Variants in FANK1 observed in about 807,000 individuals in gnomAD.
The protein encoded by FANK1 is fibronectin type III and ankyrin repeat domains 1, also known as fibronectin type 3 and ankyrin repeat domains protein 1.
Under a neutral mutation model 45.3 loss-of-function variants are expected in FANK1, and 44 were observed. That is an observed-to-expected ratio of 0.97 (90% CI 0.76 to 1.25). The LOEUF is 1.25. FANK1 is among the 50% of genes most tolerant of loss of function. The pLI is 0.00. For synonymous variants in FANK1, 149 were observed against 152.5 expected (o/e 0.98, Z 0.17); for missense variants, 391 against 424.4 (o/e 0.92, Z 0.69).
chr10:125,970,857 A>G (rs536492002), intron 1 of FANK1, among the ~76,000 whole-genome samples: 4 of 152,140 alleles, frequency 2.6e-5, no homozygotes, highest in African/African-American at 9.6e-5. Context: ...GAGACGGGAG[A>G]GGGAGAGGGA....
rs75655374 is a variant in FANK1, at chr10:125,982,230, C to T, written c.191+1892C>T. ...GTGAATGGGGCCATCCTGCATCGTT[C>T]TTTCTTCCTTGGCTGTGCCTTTGCT... On this transcript the variant is annotated intron_variant, in intron 2 of 10. Transcript: ENST00000368693. Among the ~76,000 whole-genome samples, 18 of 152,374 alleles carry T rather than the reference C, an allele frequency of 1.2e-4. No individual in the cohort carries two copies. In the East Asian group the frequency reaches 3.5e-3, roughly 29 times the overall value.
chr10:125,914,204 T>A (rs1185472634), intron 1 of FANK1, among the ~76,000 whole-genome samples: 1 of 151,946 alleles, frequency 6.6e-6, no homozygotes, highest in Admixed American at 6.6e-5. Flanking sequence ...ATGGTCTTCA[T>A]TCCTCAATGT....
At chr10:125,928,697 G>A (rs1005526751) in intron 1 of FANK1, among the ~76,000 whole-genome samples, 3 of 152,152 alleles carry the variant, frequency 2.0e-5, no homozygotes, top group African/African-American at 7.2e-5. Context: ...GTGAATTTCT[G>A]TAATGCCTAA....
intron 1 of FANK1, among the ~76,000 whole-genome samples, chr10:125,908,315 C>T (rs1476009438): frequency 6.6e-6 from 1 of 152,094 alleles, no homozygotes; most frequent in Non-Finnish European, 1.5e-5. Context: ...ATGTTTATAG[C>T]AGCACAATCT....
In FANK1 at chr10:125,995,687, A is replaced by G. The variant is rs1952276853; in HGVS notation, c.398+189A>G. 1.6e-5 allele frequency: 9 copies of G among 549,948 alleles called. No individual in the cohort carries two copies. In the South Asian group the frequency reaches 2.2e-4, roughly 13 times the overall value. The allele number at this position is 549,948 out of a possible 1,614,324, so 34.1% of individuals were successfully genotyped here. A position where few individuals can be genotyped will look rare whatever the true frequency, so the allele number is the denominator to read the frequency against. On this transcript the variant is annotated intron_variant, in intron 4 of 10. Coordinates refer to ENST00000368693, the MANE Select transcript of FANK1 (RefSeq NM_145235.5). ...AAGATGCTCATGAAGCCCCATGTAA[A>G]TGTTATATTTTGTGATTGTGTAATA...
At chr10:125,938,360 C>G (rs145985057) in intron 1 of FANK1, among the ~76,000 whole-genome samples, 58 of 152,256 alleles carry the variant, frequency 3.8e-4, no homozygotes, top group African/African-American at 1.4e-3. Flanking sequence ...GGAATGAGCA[C>G]ACAGTGTGAG....
intron 1 of FANK1, among the ~76,000 whole-genome samples, chr10:125,967,833 T>C (rs1439514885): frequency 6.6e-6 from 1 of 152,232 alleles, no homozygotes; most frequent in Non-Finnish European, 1.5e-5. Flanking sequence ...CTTTTATATT[T>C]ATTTTTTGAT....
rs1173273201 is a variant in FANK1, at chr10:125,983,373, C to T, written c.191+3035C>T. 6.6e-6 allele frequency among the ~76,000 whole-genome samples: 1 copy of T among 152,110 alleles called. No individual in the cohort carries two copies. Among genetic ancestry groups the T allele is most frequent in the Non-Finnish European group, 1.5e-5 (1 of 68,036 alleles). On this transcript the variant is annotated intron_variant, in intron 2 of 10. Transcript: ENST00000368693. The surrounding 1 kb of genome is among the most constrained non-coding windows in gnomAD (Gnocchi z 4.3). The stretch of plus-strand genomic sequence containing the variant: ...TGTCTGCCGTGTGTCAGACACTGCT[C>T]CGGATGCTGGGGATACGGCACTGGG...
At chr10:125,987,528 G>GACACAC (rs34923987) in intron 2 of FANK1, among the ~76,000 whole-genome samples, 1 of 150,184 alleles carries the variant, frequency 6.7e-6, no homozygotes, top group African/African-American at 2.4e-5. Context: ...AGCTGGAAAT[G>GACACAC]ACACACACAC....
rs750156778 is a variant in FANK1, at chr10:125,995,425, A to G, written c.325A>G (p.Ile109Val). The G allele has an allele frequency of 9.3e-6, 15 of 1,614,074 alleles. No homozygotes were observed. The highest frequency in any genetic ancestry group is 2.2e-5 in the South Asian group (2 of 91,086). Residue 109 changes from isoleucine (I) to valine (V), a missense_variant, in exon 4 of 11, where the codon ATA (isoleucine) becomes GTA (valine). By Grantham distance (29) the Ile-to-Val change is conservative. Coordinates refer to ENST00000368693, the MANE Select transcript of FANK1 (RefSeq NM_145235.5). The part of the protein sequence containing the change: ...LVSVSTTREP[I>V]SSEHLHRAVS... ...CCATCTCATTTCTCCAGGAGAGCCCATAAGTAGTGAGCACTTGCACCGGGC... is the reference window on the plus strand; with the variant it reads ...CCATCTCATTTCTCCAGGAGAGCCCGTAAGTAGTGAGCACTTGCACCGGGC...
intron 1 of FANK1, among the ~76,000 whole-genome samples, chr10:125,950,459 C>T (rs1302717717): frequency 1.3e-5 from 2 of 151,636 alleles, no homozygotes; most frequent in African/African-American, 2.4e-5. Flanking sequence ...GGGCGAAGGA[C>T]ATGAACAGAC....
intron 1 of FANK1, among the ~76,000 whole-genome samples, chr10:125,932,038 A>C (rs944695962): frequency 2.0e-5 from 3 of 152,118 alleles, no homozygotes; most frequent in African/African-American, 4.8e-5. Context: ...TGGGTTCTCT[A>C]TTCTGTTTCA....
chr10:125,963,264 G>T (rs559261371), intron 1 of FANK1, among the ~76,000 whole-genome samples: 3 of 152,354 alleles, frequency 2.0e-5, no homozygotes, highest in African/African-American at 7.2e-5. Flanking sequence ...GATTACAGGT[G>T]TGGAGAAATA....
intron 7 of FANK1, among the ~76,000 whole-genome samples, chr10:126,007,707 G>T (rs962529560): frequency 6.6e-6 from 1 of 152,196 alleles, no homozygotes; most frequent in African/African-American, 2.4e-5. Flanking sequence ...GTGTGTGTGC[G>T]TGTCTGAGCA....
rs1207576896 is a variant in FANK1, at chr10:125,994,836, T to G, written c.317-581T>G. On this transcript the variant is annotated intron_variant, in intron 3 of 10. Coordinates refer to ENST00000368693, the MANE Select transcript of FANK1 (RefSeq NM_145235.5). ...CCATTGTTCTTTTAGGCTTCTGGACTCCTCCTGGGTCTTCGCTGGTTGGCA... is the reference window on the plus strand; with the variant it reads ...CCATTGTTCTTTTAGGCTTCTGGACGCCTCCTGGGTCTTCGCTGGTTGGCA... 8.1e-6 allele frequency: 8 copies of G among 985,232 alleles called. No individual in the cohort carries two copies. The African/African-American group carries it at 1.2e-4, about 15-fold the overall frequency. 61.0% of individuals were successfully genotyped at this position (985,232 alleles called of 1,614,324 possible). A position where few individuals can be genotyped will look rare whatever the true frequency, so the allele number is the denominator to read the frequency against.
chr10:125,912,858 C>G lies in FANK1; in HGVS notation c.13+16203C>G, dbSNP rs575436721. ...CCATGTTGGCCAGGCAAGTCTCAAACTCCTGACCTCAAGTGATCCGCCCGT... is the reference window on the plus strand; with the variant it reads ...CCATGTTGGCCAGGCAAGTCTCAAAGTCCTGACCTCAAGTGATCCGCCCGT... On this transcript the variant is annotated intron_variant, in intron 1 of 10. Coordinates refer to ENST00000368693, the MANE Select transcript of FANK1 (RefSeq NM_145235.5). 1.4e-3 allele frequency among the ~76,000 whole-genome samples: 218 copies of G among 152,348 alleles called. 3 individuals are homozygous for G. Among genetic ancestry groups the G allele is most frequent in the African/African-American group, 4.5e-3 (187 of 41,586 alleles).
intron 1 of FANK1, among the ~76,000 whole-genome samples, chr10:125,956,970 T>A (rs1949618807): frequency 6.6e-6 from 1 of 152,292 alleles, no homozygotes; most frequent in Admixed American, 6.5e-5. Flanking sequence ...TTCTCCTGCC[T>A]CAGCCTCCCG....
At chr10:125,988,452 T>C (rs1951710076) in intron 2 of FANK1, 99 bp from the exon 3 acceptor site, 1 of 1,493,858 alleles carries the variant, frequency 6.7e-7, no homozygotes, top group Admixed American at 2.0e-5. Context: ...GTCCTGGAAA[T>C]AGAAGGAAAA....
intron 8 of FANK1, among the ~76,000 whole-genome samples, chr10:126,008,832 G>A (rs1370191140): frequency 6.6e-6 from 1 of 152,324 alleles, no homozygotes; most frequent in East Asian, 1.9e-4. Flanking sequence ...TTTCTGTTCT[G>A]GTTTTAGTGT....
Sources: gnomAD v4.1 joint callset for allele counts (sites outside exome capture counted in the v4.1 genomes callset) on GRCh38, gnomAD v4.1.1 for gene constraint, Gnocchi (gnomAD v3.1) non-coding constraint, MANE v1.5 for transcripts, NCBI Gene and HGNC (gene_info 2026-07-23, HGNC 2026-07-21) for gene names.